The following LAT2 variants were observed in gnomAD, a reference collection of about 807,000 sequenced individuals.
LAT2 encodes linker for activation of T cells family member 2.
Under a neutral mutation model 43.4 loss-of-function variants are expected in LAT2, and 23 were observed. The ratio of observed to expected loss-of-function variants is 0.53; its 90% CI spans 0.38 to 0.75. LAT2 has a LOEUF of 0.75. Among genes scored for constraint, LAT2 ranks in the 30% least tolerant of loss-of-function variants. LAT2 has a pLI of 0.00. For missense variants in LAT2, 284 were observed against 310.2 expected (o/e 0.92, Z 0.64); for synonymous variants, 128 against 123.2 (o/e 1.04, Z -0.26).
At chr7:74,226,312 A>G (rs546229974) in intron 13 of LAT2, 3 of 152,052 alleles carry the variant, frequency 2.0e-5, no homozygotes, top group Non-Finnish European at 2.9e-5. Flanking sequence ...CTCTATAAAA[A>G]CATTTAAAAT....
intron 13 of LAT2, among the ~76,000 whole-genome samples, chr7:74,227,376 C>T (rs1228501205): frequency 6.6e-6 from 1 of 151,982 alleles, no homozygotes; most frequent in Non-Finnish European, 1.5e-5. Context: ...CACGCCACAA[C>T]ACCTGGCTAA....
intron 1 of LAT2, among the ~76,000 whole-genome samples, chr7:74,211,881 C>T (rs1053322787): frequency 3.3e-5 from 5 of 152,198 alleles, no homozygotes; most frequent in East Asian, 1.9e-4. Flanking sequence ...TGTGAACTAC[C>T]GCACCCGGCC....
At chr7:74,227,168 A>G (rs1169263685) in intron 13 of LAT2, among the ~76,000 whole-genome samples, 2 of 150,784 alleles carry the variant, frequency 1.3e-5, no homozygotes, top group Non-Finnish European at 2.9e-5. Flanking sequence ...CAGCCTCCCG[A>G]GTAGCTGCGA....
Position 74,215,992 on chromosome 7 carries a change from A to G in LAT2, c.17A>G (p.Glu6Gly). 1 of 1,614,058 alleles carries G rather than the reference A, an allele frequency of 6.2e-7. No homozygotes were observed. Among genetic ancestry groups the G allele is most frequent in the Non-Finnish European group, 8.5e-7 (1 of 1,180,006 alleles). Residue 6 changes from glutamate (E) to glycine (G), a missense_variant, in exon 3 of 14, where the codon GAA becomes GGA. Glu to Gly is a moderately conservative substitution (Grantham distance 98). Transcript: ENST00000460943. ...GGAGCCAACATGAGCTCGGGGACTGAACTGCTGTGGCCCGGAGCAGCGCTG... is the reference window on the plus strand; with the variant it reads ...GGAGCCAACATGAGCTCGGGGACTGGACTGCTGTGGCCCGGAGCAGCGCTG... MSSGT[E>G]LLWPGAALLV...
chr7:74,216,436 A>G (rs1166083725), intron 3 of LAT2, among the ~76,000 whole-genome samples: 1 of 151,982 alleles, frequency 6.6e-6, no homozygotes, highest in African/African-American at 2.4e-5. Context: ...CAGTGATGCA[A>G]TCTTGGCTCA....
chr7:74,222,400 C>CAA (rs782642560), intron 10 of LAT2, among the ~76,000 whole-genome samples: 30 of 129,954 alleles, frequency 2.3e-4, no homozygotes, highest in East Asian at 1.2e-3. Flanking sequence ...GACTCCATCT[C>CAA]AAAAAAAAAA....
At chr7:74,222,992 T>C (rs185853465) in intron 10 of LAT2, among the ~76,000 whole-genome samples, 179 of 152,308 alleles carry the variant, frequency 1.2e-3, no homozygotes, top group Admixed American at 1.8e-3. Flanking sequence ...TGAGGTGCCA[T>C]ACTCAGCCTG....
rs982967893 is a variant in LAT2, at chr7:74,220,422, C to A, written c.266-162C>A. ...GGGCAGGCTCCTGGAATCGGCCTGG[C>A]AGGGGGAGGGTGCACACTCGCACAT... On this transcript the variant is annotated intron_variant, in intron 7 of 13. Coordinates refer to ENST00000460943, the MANE Select transcript of LAT2 (RefSeq NM_032464.3). This position sits in a 1 kb window ranked among gnomAD's most constrained non-coding sequence, Gnocchi z 4.5. 1.5e-5 allele frequency: 18 copies of A among 1,221,246 alleles called. No homozygotes were observed. The South Asian group carries it at 2.3e-4, about 15-fold the overall frequency. The allele number at this position is 1,221,246 out of a possible 1,614,324, so 75.7% of individuals were successfully genotyped here.
intron 1 of LAT2, among the ~76,000 whole-genome samples, chr7:74,214,225 TG>T (rs1466648477): frequency 4.2e-5 from 4 of 95,458 alleles, no homozygotes; most frequent in East Asian, 3.0e-4. Context: ...AATATATATA[TG>T]AAAATATATA....
At chr7:74,211,905 G>A (rs1460131521) in intron 1 of LAT2, among the ~76,000 whole-genome samples, 3 of 152,022 alleles carry the variant, frequency 2.0e-5, no homozygotes, top group Non-Finnish European at 4.4e-5. Flanking sequence ...AGCGCAGGAT[G>A]TATTCAGTCT....
intron 13 of LAT2, among the ~76,000 whole-genome samples, chr7:74,227,036 G>T (rs1318881116): frequency 6.7e-6 from 1 of 149,990 alleles, no homozygotes; most frequent in African/African-American, 2.5e-5. Context: ...GAGGGAGGGA[G>T]ATAGAAAGGT....
rs1376248095 is a variant in LAT2 at position 74,216,841 on chromosome 7, G to GA, written c.115dup (p.Ile39AsnfsTer9). 2 of 1,613,794 alleles carry GA rather than the reference G, an allele frequency of 1.2e-6. No individual in the cohort carries two copies. The highest frequency in any genetic ancestry group is 1.7e-6 in the Non-Finnish European group (2 of 1,179,832). ...TTCTTGCAGGTGCAAAGAGGTCAGA[G>GA]AAAATCTACCAGCAGAGAAGTCTGT... On this transcript the variant is annotated frameshift_variant, in exon 4 of 14. Coordinates refer to ENST00000460943, the MANE Select transcript of LAT2 (RefSeq NM_032464.3). LOFTEE classifies it high-confidence loss of function.
intron 4 of LAT2, among the ~76,000 whole-genome samples, chr7:74,218,859 G>A (rs1425411554): frequency 6.6e-6 from 1 of 151,816 alleles, no homozygotes; most frequent in Non-Finnish European, 1.5e-5. Flanking sequence ...ACCATGCCCA[G>A]CTAATTTTTG....
Position 74,220,642 on chromosome 7 carries a change from G to A in LAT2, c.301+23G>A. On this transcript the variant is annotated intron_variant, in intron 8 of 13. Coordinates refer to ENST00000460943, the MANE Select transcript of LAT2 (RefSeq NM_032464.3). This position sits in a 1 kb window ranked among gnomAD's most constrained non-coding sequence, Gnocchi z 4.5. Reference sequence around the variant, plus strand: ...AAGGTAGGTAGGCTCCTGGAGAAAGGGGGAGGCCATGGTGGGGGCCACACC... The same window carrying A: ...AAGGTAGGTAGGCTCCTGGAGAAAGAGGGAGGCCATGGTGGGGGCCACACC... The A allele has an allele frequency of 1.2e-6, 2 of 1,613,986 alleles. No homozygotes were observed. Among genetic ancestry groups the A allele is most frequent in the Non-Finnish European group, 1.7e-6 (2 of 1,179,946 alleles).
chr7:74,223,601 C>T (rs1398258670), intron 10 of LAT2, 123 bp from the exon 11 acceptor site: 17 of 886,978 alleles, frequency 1.9e-5, no homozygotes, highest in Middle Eastern at 5.5e-4. Context: ...CCCGGGGGAC[C>T]CAGAGGGCTA....
intron 13 of LAT2, among the ~76,000 whole-genome samples, chr7:74,226,868 C>T (rs1428342509): frequency 6.6e-6 from 1 of 151,964 alleles, no homozygotes; most frequent in East Asian, 1.9e-4. Flanking sequence ...GCAGAGGGGA[C>T]AACAGAGGCC....
chr7:74,223,829 C>T, intron 11 of LAT2, 46 bp downstream of exon 11: 6 of 1,589,386 alleles, frequency 3.8e-6, no homozygotes, highest in Non-Finnish European at 5.2e-6. Flanking sequence ...GAGCAGCAGG[C>T]CTCCTTGGCC....
chr7:74,219,713 C>T (rs782272400), intron 4 of LAT2, 31 bp from the exon 5 acceptor site: 5 of 1,613,846 alleles, frequency 3.1e-6, no homozygotes, highest in Non-Finnish European at 4.2e-6. Context: ...GGAGTCCAGG[C>T]CCAGGCTCAG....
intron 1 of LAT2, among the ~76,000 whole-genome samples, chr7:74,213,806 G>C (rs1372775863): frequency 1.3e-5 from 2 of 151,812 alleles, no homozygotes; most frequent in African/African-American, 4.8e-5. Context: ...CTCCTCACTG[G>C]TGGCCAGGGT....
Sources: allele counts gnomAD v4.1 joint callset (sites outside exome capture counted in the v4.1 genomes callset), GRCh38; gene constraint gnomAD v4.1.1; non-coding constraint Gnocchi (gnomAD v3.1); transcripts MANE v1.5; gene names NCBI Gene and HGNC (gene_info 2026-07-23, HGNC 2026-07-21).